Variants in ZNF782 observed in about 807,000 individuals in gnomAD.
ZNF782 encodes the protein zinc finger protein 782.
In ZNF782, 12 loss-of-function variants were observed where a neutral mutation model predicts 13.0. That is an observed-to-expected ratio of 0.92 (90% CI 0.59 to 1.50). The LOEUF (loss-of-function observed/expected upper bound fraction) is 1.50, where lower values mean the gene tolerates loss of function less well. ZNF782 is among the 40% of genes most tolerant of loss of function. The pLI, the probability that ZNF782 is intolerant of heterozygous loss-of-function variation, is 0.00. For missense variants in ZNF782, 770 were observed against 822.9 expected (o/e 0.94, Z 0.79); for synonymous variants, 284 against 283.0 (o/e 1.00, Z -0.04).
intron 3 of ZNF782, 59 bp from the exon 4 acceptor site, chr9:96,845,075 T>G (rs1681456708): frequency 1.3e-6 from 2 of 1,599,020 alleles, no homozygotes; most frequent in Non-Finnish European, 1.7e-6. Flanking sequence ...GGAAAACGTT[T>G]TCGGAAACTA....
At chr9:96,845,763 C>G (rs552852772) in intron 3 of ZNF782, among the ~76,000 whole-genome samples, 27 of 152,244 alleles carry the variant, frequency 1.8e-4, no homozygotes, top group African/African-American at 5.8e-4. Context: ...AACAAAAAGT[C>G]TAGAAAACTT....
intron 1 of ZNF782, among the ~76,000 whole-genome samples, chr9:96,863,196 G>C (rs1851722444): frequency 6.6e-6 from 1 of 152,186 alleles, no homozygotes; most frequent in Non-Finnish European, 1.5e-5. Context: ...TTAAAAATTA[G>C]CGTCTATCAG....
intron 5 of ZNF782, 44 bp downstream of exon 5, chr9:96,827,036 T>G (rs1384990162): frequency 6.1e-6 from 8 of 1,313,784 alleles, no homozygotes; most frequent in Non-Finnish European, 7.6e-6. Flanking sequence ...TGAGTACTCC[T>G]AGTGAATCAG....
the ZNF782 span, chr9:96,918,801 C>G: frequency 1.8e-5 from 3 of 169,932 alleles, no homozygotes; most frequent in South Asian, 1.9e-4. Context: ...CCAGGCTGAA[C>G]TCAGCAGCTC....
chr9:96,877,098 C>T (rs763331993), upstream of ZNF782, among the ~76,000 whole-genome samples: 3 of 151,474 alleles, frequency 2.0e-5, no homozygotes, highest in Non-Finnish European at 2.9e-5. Flanking sequence ...CAGGGAAATA[C>T]GGTCATAATA....
chr9:96,825,747 C>G (rs2118426759), intron 5 of ZNF782, among the ~76,000 whole-genome samples: 1 of 152,270 alleles, frequency 6.6e-6, no homozygotes, highest in African/African-American at 2.4e-5. Flanking sequence ...AGGACATGAA[C>G]AGACACTTCT....
Position 96,816,429 on chromosome 9 carries a change from A to G in ZNF782, c.*1494T>C, listed in dbSNP as rs1563988322. The G allele has an allele frequency of 1.3e-5, 2 of 152,208 alleles. No individual in the cohort carries two copies. The highest frequency in any genetic ancestry group is 6.5e-5 in the Admixed American group (1 of 15,284). The allele number at this position is 152,208 out of a possible 1,614,324, so 9.4% of individuals were successfully genotyped here. On this transcript the variant is annotated 3_prime_UTR_variant, in exon 6 of 6. Coordinates refer to ENST00000481138, the MANE Select transcript of ZNF782 (RefSeq NM_001001662.3). ...GTACCATGCATATATACATACATAA[A>G]CAATCAATAACTCACAAAACATTCA...
chr9:96,918,415 A>G, the ZNF782 span, among the ~76,000 whole-genome samples: 1 of 151,480 alleles, frequency 6.6e-6, no homozygotes, highest in Non-Finnish European at 1.5e-5. Flanking sequence ...TCTCAAAAAA[A>G]AAAAAAAAGC....
At chr9:96,882,579 A>G in the ZNF782 span, among the ~76,000 whole-genome samples, 2 of 152,200 alleles carry the variant, frequency 1.3e-5, no homozygotes, top group African/African-American at 4.8e-5. Flanking sequence ...AGGTGATAGT[A>G]TTATACATTT....
intron 5 of ZNF782, among the ~76,000 whole-genome samples, chr9:96,822,864 T>C (rs1007532385): frequency 3.3e-5 from 5 of 152,210 alleles, no homozygotes; most frequent in South Asian, 4.1e-4. Context: ...ATATTCCTTA[T>C]TGAGTTTAAG....
upstream of ZNF782, among the ~76,000 whole-genome samples, chr9:96,856,241 GTGT>G (rs1244332296): frequency 6.6e-6 from 1 of 152,158 alleles, no homozygotes; most frequent in African/African-American, 2.4e-5. Context: ...GAGCTGCGAG[GTGT>G]TGTTACCTCA....
At chr9:96,903,349 T>C in the ZNF782 span, among the ~76,000 whole-genome samples, 1 of 151,898 alleles carries the variant, frequency 6.6e-6, no homozygotes, top group African/African-American at 2.4e-5. Flanking sequence ...AATGTTACCT[T>C]TGAGATCAAT....
chr9:96,836,317 C>A (rs1196139719), intron 4 of ZNF782, among the ~76,000 whole-genome samples: 1 of 151,798 alleles, frequency 6.6e-6, no homozygotes, highest in African/African-American at 2.4e-5. Context: ...GATTCAAGCG[C>A]TTCTCCTGCC....
chr9:96,847,146 C>T (rs1851362940), intron 3 of ZNF782, among the ~76,000 whole-genome samples: 2 of 151,966 alleles, frequency 1.3e-5, no homozygotes, highest in Admixed American at 1.3e-4. Flanking sequence ...ATGATAATTA[C>T]ACAAATTATC....
chr9:96,832,699 T>C (rs1850846134), intron 4 of ZNF782, among the ~76,000 whole-genome samples: 1 of 152,192 alleles, frequency 6.6e-6, no homozygotes, highest in South Asian at 2.1e-4. Flanking sequence ...TCAAATTCTT[T>C]TTCCCCAGAA....
chr9:96,828,291 A>G (rs1850693907), intron 4 of ZNF782, among the ~76,000 whole-genome samples: 1 of 152,232 alleles, frequency 6.6e-6, no homozygotes, highest in Non-Finnish European at 1.5e-5. Flanking sequence ...AATTAGTTCT[A>G]AAGTGAGCTC....
In ZNF782 at chr9:96,853,040, G is replaced by A. The variant is rs991066932; in HGVS notation, c.-232C>T. On this transcript the variant is annotated 5_prime_UTR_variant, in exon 2 of 6. Coordinates refer to ENST00000481138, the MANE Select transcript of ZNF782 (RefSeq NM_001001662.3). Reference sequence around the variant, plus strand: ...CTATGAGGTAGGGACAAAGTCTCCAGTGTCACATATGTTAACAGCAGTATG... The same window carrying A: ...CTATGAGGTAGGGACAAAGTCTCCAATGTCACATATGTTAACAGCAGTATG... 1 of 152,438 alleles carries A rather than the reference G, an allele frequency of 6.6e-6. No individual in the cohort carries two copies. The highest frequency in any genetic ancestry group is 6.5e-5 in the Admixed American group (1 of 15,282). The allele number at this position is 152,438 out of a possible 1,614,324, so 9.4% of individuals were successfully genotyped here.
At chr9:96,849,243 C>G (rs1354362930) in intron 3 of ZNF782, among the ~76,000 whole-genome samples, 1 of 152,170 alleles carries the variant, frequency 6.6e-6, no homozygotes, top group Admixed American at 6.5e-5. Context: ...TAAGAAGCAC[C>G]CAATCTAGAT....
At chr9:96,928,069 T>A in the ZNF782 span, among the ~76,000 whole-genome samples, 3 of 149,206 alleles carry the variant, frequency 2.0e-5, no homozygotes. Context: ...AACACCTATT[T>A]CCTCCAGGAA....
Sources: allele counts gnomAD v4.1 joint callset (sites outside exome capture counted in the v4.1 genomes callset), GRCh38; gene constraint gnomAD v4.1.1; transcripts MANE v1.5; gene names NCBI Gene and HGNC (gene_info 2026-07-23, HGNC 2026-07-21).